SLC2A13: variants seen among roughly 807,000 people sequenced by gnomAD.
SLC2A13 encodes the protein proton myo-inositol cotransporter.
SLC2A13 carries 32 observed loss-of-function variants against 64.4 expected under a neutral mutation model. That is an observed-to-expected ratio of 0.50 (90% confidence interval 0.37 to 0.67). The LOEUF is 0.67. Ranked by LOEUF, SLC2A13 falls within the 30% of genes least tolerant of loss-of-function variation. The pLI is 0.00. For missense variants in SLC2A13, 743 were observed against 829.2 expected (o/e 0.90, Z 1.28); for synonymous variants, 338 against 327.1 (o/e 1.03, Z -0.36).
At chr12:39,988,901 C>G (rs560799221) in intron 3 of SLC2A13, among the ~76,000 whole-genome samples, 1 of 152,018 alleles carries the variant, frequency 6.6e-6, no homozygotes. Flanking sequence ...CTCTATACGT[C>G]GCCTCCTCTC....
chr12:39,878,609 C>T (rs73104979), intron 4 of SLC2A13, among the ~76,000 whole-genome samples: 3,129 of 152,216 alleles, frequency 0.021, 40 homozygotes, highest in Non-Finnish European at 0.032. Context: ...CAAGAAGTCG[C>T]CTGTCTGCTT....
intron 3 of SLC2A13, among the ~76,000 whole-genome samples, chr12:39,988,691 G>GGGAGGA (rs1565578515): frequency 1.3e-5 from 1 of 79,962 alleles, no homozygotes; most frequent in African/African-American, 4.7e-5. Flanking sequence ...GGGAGGGAGG[G>GGGAGGA]AGGAAGGAAG....
rs1237900895 is a variant in SLC2A13, at chr12:40,045,889, T to C, written c.716+2162A>G. On this transcript the variant is annotated intron_variant, in intron 2 of 9. Coordinates refer to ENST00000280871, the MANE Select transcript of SLC2A13 (RefSeq NM_052885.4). ...TGCTTCCCACAGCAGCAATACACTTTAAATCTTTTTTTCTCTAGTCTTCTG... is the reference window on the plus strand; with the variant it reads ...TGCTTCCCACAGCAGCAATACACTTCAAATCTTTTTTTCTCTAGTCTTCTG... Among the ~76,000 whole-genome samples, 3 of 152,198 alleles carry C rather than the reference T, an allele frequency of 2.0e-5. 1 individual carries two copies. Among genetic ancestry groups the C allele is most frequent in the Non-Finnish European group, 4.4e-5 (3 of 68,036 alleles).
intron 3 of SLC2A13, among the ~76,000 whole-genome samples, chr12:39,962,708 A>C (rs182821861): frequency 1.3e-4 from 20 of 152,352 alleles, no homozygotes; most frequent in Non-Finnish European, 2.5e-4. Flanking sequence ...ATGCAAGGAA[A>C]AAAAGAATAT....
intron 3 of SLC2A13, among the ~76,000 whole-genome samples, chr12:40,027,079 C>CAAA (rs762673381): frequency 0.012 from 971 of 83,766 alleles, 10 homozygotes; most frequent in African/African-American, 0.043. Flanking sequence ...GACTTCATCT[C>CAAA]AAAAAAAAAA....
intron 4 of SLC2A13, among the ~76,000 whole-genome samples, chr12:39,946,230 T>C (rs1946130552): frequency 6.6e-6 from 1 of 152,210 alleles, no homozygotes; most frequent in Admixed American, 6.5e-5. Flanking sequence ...CTCTCAGCAG[T>C]GGATACCAGC....
rs1011702938 is a variant in SLC2A13 at position 39,988,553 on chromosome 12, GGAAA to G, written c.926-37192_926-37189del. 1.2e-4 allele frequency among the ~76,000 whole-genome samples: 18 copies of G among 147,738 alleles called. No homozygotes were observed. The South Asian group carries it at 1.3e-3, about 11-fold the overall frequency. On this transcript the variant is annotated intron_variant, in intron 3 of 9. Coordinates refer to ENST00000280871, the MANE Select transcript of SLC2A13 (RefSeq NM_052885.4). ...AAGAAGAAAGAAAAAAGAAAACAAA[GGAAA>G]GAAAGAAAGAGAAAAAGAATGAATG...
chr12:39,926,036 C>T (rs901491403), intron 4 of SLC2A13, among the ~76,000 whole-genome samples: 8 of 151,940 alleles, frequency 5.3e-5, no homozygotes, highest in African/African-American at 1.9e-4. Context: ...CATTTGGGCA[C>T]GAATTTGGTA....
At position 39,910,861 on chromosome 12, in the gene SLC2A13, G is replaced by A. The variant is rs545246646; in HGVS notation, c.1035-38900C>T. Among the ~76,000 whole-genome samples the A allele has an allele frequency of 3.9e-5, 6 of 152,102 alleles. No homozygotes were observed. The South Asian group carries it at 1.2e-3, about 32-fold the overall frequency. ...GCACTTTGGGAGGGTGAGGCAGGTGGACCACGAAGTCAGGAGTTCAAGACC... is the reference window on the plus strand; with the variant it reads ...GCACTTTGGGAGGGTGAGGCAGGTGAACCACGAAGTCAGGAGTTCAAGACC... On this transcript the variant is annotated intron_variant, in intron 4 of 9. Transcript: ENST00000280871.
rs554183400 is a variant in SLC2A13, at chr12:40,100,922, G to A, written c.556+4331C>T. On this transcript the variant is annotated intron_variant, in intron 1 of 9. Transcript: ENST00000280871. The stretch of plus-strand genomic sequence containing the variant: ...GGGGGTTGCAGTGAGCCGAGATCTC[G>A]CCACCGTGCTCCAGCCTGGGCGACA... Among the ~76,000 whole-genome samples the A allele has an allele frequency of 1.1e-3, 131 of 122,270 alleles. 1 individual carries two copies. The highest frequency in any genetic ancestry group is 3.5e-3 in the African/African-American group (108 of 31,002). 80.2% of individuals were successfully genotyped at this position (122,270 alleles called of 152,430 possible).
intron 3 of SLC2A13, among the ~76,000 whole-genome samples, chr12:39,961,376 G>C (rs1235374421): frequency 6.6e-6 from 1 of 152,156 alleles, no homozygotes; most frequent in African/African-American, 2.4e-5. Flanking sequence ...ACCACGCCTG[G>C]ACTAAAGAGA....
chr12:39,773,446 G>A (rs769351506), intron 7 of SLC2A13, among the ~76,000 whole-genome samples: 52 of 152,132 alleles, frequency 3.4e-4, no homozygotes, highest in Non-Finnish European at 6.9e-4. Flanking sequence ...AGCTCCCTTT[G>A]AAGGTGGAAC....
intron 4 of SLC2A13, among the ~76,000 whole-genome samples, chr12:39,921,602 G>A (rs961903535): frequency 1.3e-5 from 2 of 152,120 alleles, no homozygotes; most frequent in African/African-American, 2.4e-5. Flanking sequence ...CAAGGTATAA[G>A]TCATACCATA....
intron 3 of SLC2A13, among the ~76,000 whole-genome samples, chr12:40,017,976 T>TAAAAAAAAAAAAAAAA (rs5797648): frequency 2.3e-5 from 3 of 128,536 alleles, no homozygotes; most frequent in African/African-American, 2.9e-5. Flanking sequence ...TGCACATATT[T>TAAAAAAAAAAAAAAAA]AAAAAAAAAA....
At chr12:39,841,557 TATATAC>T (rs1286386797) in intron 6 of SLC2A13, among the ~76,000 whole-genome samples, 2 of 152,104 alleles carry the variant, frequency 1.3e-5, no homozygotes, top group African/African-American at 4.8e-5. Context: ...AATGTATATC[TATATAC>T]ATATACATAT....
At chr12:40,039,888 T>C (rs1948056905) in intron 2 of SLC2A13, among the ~76,000 whole-genome samples, 1 of 152,212 alleles carries the variant, frequency 6.6e-6, no homozygotes, top group Non-Finnish European at 1.5e-5. Context: ...TTTGGACAAA[T>C]GTATAATGGC....
intron 3 of SLC2A13, among the ~76,000 whole-genome samples, chr12:39,994,264 TC>T (rs1161873513): frequency 6.6e-6 from 1 of 151,388 alleles, no homozygotes. Flanking sequence ...GGCACTGTAG[TC>T]CCAGCTACTC....
intron 3 of SLC2A13, among the ~76,000 whole-genome samples, chr12:39,999,856 T>C (rs1200911865): frequency 6.6e-6 from 1 of 152,188 alleles, no homozygotes; most frequent in African/African-American, 2.4e-5. Context: ...CACCCTCCCC[T>C]TTTGAAATCC....
intron 3 of SLC2A13, among the ~76,000 whole-genome samples, chr12:40,019,036 C>T (rs1249592609): frequency 2.0e-5 from 3 of 151,998 alleles, no homozygotes; most frequent in Non-Finnish European, 4.4e-5. Flanking sequence ...CTGTGTGTTG[C>T]AATGATAATT....
Sources: allele counts gnomAD v4.1 joint callset (sites outside exome capture counted in the v4.1 genomes callset), GRCh38; gene constraint gnomAD v4.1.1; transcripts MANE v1.5; gene names NCBI Gene and HGNC (gene_info 2026-07-23, HGNC 2026-07-21).